Variants in RANBP17 observed in about 807,000 individuals in gnomAD.
RANBP17 encodes the protein RAN binding protein 17, also known as ran-binding protein 17.
Under a neutral mutation model 141.2 loss-of-function variants are expected in RANBP17, and 158 were observed. The observed-to-expected ratio is 1.12, with a 90% confidence interval of 0.98 to 1.28. The LOEUF is 1.28. Ranked by LOEUF, RANBP17 falls within the 50% of genes most tolerant of loss-of-function variation. RANBP17 has a pLI of 0.00. For synonymous variants in RANBP17, 430 were observed against 450.0 expected (o/e 0.96, Z 0.56); for missense variants, 1,438 against 1,290.7 (o/e 1.11, Z -1.75).
chr5:171,244,259 G>T (rs1765071657), intron 24 of RANBP17, among the ~76,000 whole-genome samples: 4 of 151,860 alleles, frequency 2.6e-5, no homozygotes, highest in Admixed American at 2.6e-4. Context: ...CAGGTGTGGT[G>T]GTGTGCGCCT....
Position 171,171,279 on chromosome 5 carries a change from T to C in RANBP17, c.1858T>C (p.Ser620Pro). Residue 620 changes from serine to proline, a missense_variant, in exon 16 of 28, where the codon TCT becomes CCT. Transcript: ENST00000523189. ...GACTCTTCAGTTCCTAAATGACCTT[T>C]CTGTTGGATATCCTTTTCACTGTAT... ...SRTLQFLNDLSVGYILLKKLV... is the reference protein window; with the variant it reads ...SRTLQFLNDLPVGYILLKKLV... 2 of 1,567,580 alleles carry C rather than the reference T, an allele frequency of 1.3e-6. No individual in the cohort carries two copies. The highest frequency in any genetic ancestry group is 1.8e-6 in the Non-Finnish European group (2 of 1,141,844).
chr5:171,102,372 G>T (rs762904392), intron 14 of RANBP17, among the ~76,000 whole-genome samples: 9 of 151,154 alleles, frequency 6.0e-5, no homozygotes, highest in Non-Finnish European at 1.2e-4. Context: ...CCTTTCTTCC[G>T]CTTGATTGAT....
chr5:171,266,656 G>A (rs909503491), intron 25 of RANBP17, among the ~76,000 whole-genome samples: 5 of 152,062 alleles, frequency 3.3e-5, no homozygotes, highest in African/African-American at 1.2e-4. Flanking sequence ...GGTCATGCCT[G>A]TAATCCCAGC....
intron 14 of RANBP17, among the ~76,000 whole-genome samples, chr5:170,997,065 G>T (rs949150960): frequency 6.6e-6 from 1 of 152,132 alleles, no homozygotes; most frequent in Non-Finnish European, 1.5e-5. Flanking sequence ...CCCCCATGCT[G>T]TTCTCGTGAT....
chr5:170,865,037 T>C (rs1214760204), intron 1 of RANBP17, among the ~76,000 whole-genome samples: 1 of 152,172 alleles, frequency 6.6e-6, no homozygotes, highest in Non-Finnish European at 1.5e-5. Flanking sequence ...GGAAGGTAGA[T>C]ATTGCTGTTT....
intron 5 of RANBP17, among the ~76,000 whole-genome samples, chr5:170,899,138 C>G (rs1205636977): frequency 2.6e-5 from 4 of 152,160 alleles, no homozygotes; most frequent in African/African-American, 9.7e-5. Flanking sequence ...AATATTGATT[C>G]TTCCTATCCA....
intron 14 of RANBP17, among the ~76,000 whole-genome samples, chr5:171,004,121 G>A (rs867880716): frequency 7.9e-5 from 12 of 152,164 alleles, no homozygotes; most frequent in Admixed American, 7.9e-4. Flanking sequence ...CTTAAAGCCT[G>A]TTGTGGGATG....
intron 14 of RANBP17, among the ~76,000 whole-genome samples, chr5:170,979,340 A>G (rs927575766): frequency 6.6e-6 from 1 of 152,236 alleles, no homozygotes; most frequent in Non-Finnish European, 1.5e-5. Context: ...AAATAATTAT[A>G]AGAACTCTAG....
At chr5:171,160,093 AAAT>A (rs1389258760) in intron 14 of RANBP17, among the ~76,000 whole-genome samples, 2 of 152,174 alleles carry the variant, frequency 1.3e-5, no homozygotes, top group African/African-American at 4.8e-5. Context: ...TTGACTCAAA[AAAT>A]GAGGATGAAA....
At chr5:171,063,425 C>T (rs538831492) in intron 14 of RANBP17, among the ~76,000 whole-genome samples, 1 of 152,368 alleles carries the variant, frequency 6.6e-6, no homozygotes, top group African/African-American at 2.4e-5. Context: ...AAGAGGTCCA[C>T]TCTGGACCCT....
At chr5:171,071,881 T>A (rs1784655382) in intron 14 of RANBP17, among the ~76,000 whole-genome samples, 1 of 152,058 alleles carries the variant, frequency 6.6e-6, no homozygotes, top group African/African-American at 2.4e-5. Flanking sequence ...AATTGGACTT[T>A]ATTATCAAAA....
chr5:171,047,014 C>CTTTTTT (rs35304788), intron 14 of RANBP17, among the ~76,000 whole-genome samples: 2 of 97,788 alleles, frequency 2.0e-5, no homozygotes, highest in African/African-American at 3.9e-5. Context: ...TTTATTTTGC[C>CTTTTTT]TTTTTTTTTT....
chr5:171,194,713 G>C (rs1761861326), intron 18 of RANBP17, among the ~76,000 whole-genome samples: 1 of 152,026 alleles, frequency 6.6e-6, no homozygotes. Flanking sequence ...AGTTTTCTTG[G>C]GTAGATACCT....
chr5:171,169,314 G>A (rs1028633180), intron 14 of RANBP17, among the ~76,000 whole-genome samples: 1 of 152,178 alleles, frequency 6.6e-6, no homozygotes, highest in African/African-American at 2.4e-5. Context: ...CTGGTGACTG[G>A]CAGGGATAAC....
chr5:171,108,454 C>T (rs556190967), intron 14 of RANBP17, among the ~76,000 whole-genome samples: 131 of 152,128 alleles, frequency 8.6e-4, no homozygotes, highest in African/African-American at 3.0e-3. Context: ...ACTCTGTCAC[C>T]CAGGCTGGAG....
intron 14 of RANBP17, among the ~76,000 whole-genome samples, chr5:171,057,528 A>G (rs143267752): frequency 7.9e-4 from 120 of 152,144 alleles, no homozygotes; most frequent in Middle Eastern, 6.8e-3. Flanking sequence ...TTGTGTGGAT[A>G]TCATAGGGTA....
intron 7 of RANBP17, among the ~76,000 whole-genome samples, chr5:170,913,130 G>T (rs765775825): frequency 2.0e-5 from 3 of 151,942 alleles, no homozygotes; most frequent in African/African-American, 4.8e-5. Context: ...ATAGAATAAA[G>T]ACATTTTCAG....
At chr5:170,870,978 T>C (rs1767673305) in intron 1 of RANBP17, among the ~76,000 whole-genome samples, 1 of 152,232 alleles carries the variant, frequency 6.6e-6, no homozygotes, top group Non-Finnish European at 1.5e-5. Flanking sequence ...TCAGTGATGC[T>C]GAACTTTTTT....
At chr5:171,245,080 G>T (rs1765132889) in intron 24 of RANBP17, among the ~76,000 whole-genome samples, 1 of 151,780 alleles carries the variant, frequency 6.6e-6, no homozygotes, top group Non-Finnish European at 1.5e-5. Context: ...AGTGAGTCAA[G>T]ATCATGCCAC....
Sources: gnomAD v4.1 joint callset for allele counts (sites outside exome capture counted in the v4.1 genomes callset) on GRCh38, gnomAD v4.1.1 for gene constraint, MANE v1.5 for transcripts, NCBI Gene and HGNC (gene_info 2026-07-23, HGNC 2026-07-21) for gene names.